The following KCNQ1 variants were observed in gnomAD, a reference collection of about 807,000 sequenced individuals.
KCNQ1 encodes the protein potassium voltage-gated channel subfamily KQT member 1.
Under a neutral mutation model 72.4 loss-of-function variants are expected in KCNQ1, and 49 were observed. The ratio of observed to expected loss-of-function variants is 0.68; its 90% CI spans 0.54 to 0.86. The LOEUF is 0.86. Ranked by LOEUF, KCNQ1 falls within the 40% of genes least tolerant of loss-of-function variation. The pLI is 0.00. For missense variants in KCNQ1, 790 were observed against 945.1 expected, an observed-to-expected ratio of 0.84 and a Z score of 2.15; for synonymous variants, 450 against 412.6, an observed-to-expected ratio of 1.09 and a Z score of -1.10.
chr11:2,679,551 T>C lies in KCNQ1; in HGVS notation c.1514+17470T>C, dbSNP rs183959634. 5.3e-4 allele frequency: 213 copies of C among 398,680 alleles called. 1 individual carries two copies. The highest frequency in any genetic ancestry group is 3.9e-3 in the African/African-American group (190 of 48,764). The allele number at this position is 398,680 out of a possible 1,614,324, so 24.7% of individuals were successfully genotyped here. On this transcript the variant is annotated intron_variant, in intron 11 of 15. Coordinates refer to ENST00000155840, the MANE Select transcript of KCNQ1 (RefSeq NM_000218.3). This position sits in a 1 kb window ranked among gnomAD's most constrained non-coding sequence, Gnocchi z 4.8. ...CTCATGATGGCCATTCCATCCATTGTAATCATGTGTACCATGCAATTCACA... is the reference window on the plus strand; with the variant it reads ...CTCATGATGGCCATTCCATCCATTGCAATCATGTGTACCATGCAATTCACA...
chr11:2,820,520 T>A (rs1434353038), intron 15 of KCNQ1, among the ~76,000 whole-genome samples: 1 of 152,208 alleles, frequency 6.6e-6, no homozygotes, highest in Non-Finnish European at 1.5e-5. Flanking sequence ...GTGTTAAACT[T>A]GTTAGTGGAG....
chr11:2,535,226 G>T (rs1847710205), intron 2 of KCNQ1, among the ~76,000 whole-genome samples: 2 of 152,224 alleles, frequency 1.3e-5, no homozygotes, highest in Non-Finnish European at 1.5e-5. Flanking sequence ...CTTTGGGCGG[G>T]TAAGGGTAGC....
rs1325905868 is a variant in KCNQ1, at chr11:2,715,155, C to A, written c.1514+53074C>A. Among the ~76,000 whole-genome samples, 1 of 152,118 alleles carries A rather than the reference C, an allele frequency of 6.6e-6. No homozygotes were observed. The highest frequency in any genetic ancestry group is 2.4e-5 in the African/African-American group (1 of 41,402). Reference sequence around the variant, plus strand: ...ATGAGATGCCCCTCACCCATCCTCCCATGAACCTCAGCATGGGCACCCCAT... The same window carrying A: ...ATGAGATGCCCCTCACCCATCCTCCAATGAACCTCAGCATGGGCACCCCAT... On this transcript the variant is annotated intron_variant, in intron 11 of 15. Transcript: ENST00000155840. The surrounding 1 kb of genome is among the most constrained non-coding windows in gnomAD (Gnocchi z 4.9).
At chr11:2,527,905 A>G in intron 1 of KCNQ1, 23 bp from the exon 2 acceptor site, 1 of 1,607,770 alleles carries the variant, frequency 6.2e-7, no homozygotes, top group Non-Finnish European at 8.5e-7. Flanking sequence ...CGTGATGCTG[A>G]CTGCCGTGTC....
At chr11:2,523,526 G>A (rs115613195) in intron 1 of KCNQ1, among the ~76,000 whole-genome samples, 3 of 152,164 alleles carry the variant, frequency 2.0e-5, no homozygotes, top group Admixed American at 6.5e-5. Flanking sequence ...TGCTGTGGCC[G>A]AGGTCACCAA....
chr11:2,684,454 C>T (rs900744170), intron 11 of KCNQ1: 4 of 398,624 alleles, frequency 1.0e-5, no homozygotes, highest in Non-Finnish European at 1.8e-5. Context: ...GTTCTTTTGG[C>T]AAAAAGACTA....
At chr11:2,730,365 C>T (rs745314175) in intron 11 of KCNQ1, among the ~76,000 whole-genome samples, 3 of 152,192 alleles carry the variant, frequency 2.0e-5, no homozygotes, top group South Asian at 2.1e-4. Context: ...GTCAGATGTC[C>T]GACATGGGCT....
chr11:2,842,857 C>T lies in KCNQ1; in HGVS notation c.1795-4910C>T, dbSNP rs183928719. On this transcript the variant is annotated intron_variant, in intron 15 of 15. Transcript: ENST00000155840. ...TCTTCATGCCTCAGTCCACTTGATCCCCTCAGCATCCTCCTGGGGAAGGTG... is the reference window on the plus strand; with the variant it reads ...TCTTCATGCCTCAGTCCACTTGATCTCCTCAGCATCCTCCTGGGGAAGGTG... 2.3e-4 allele frequency among the ~76,000 whole-genome samples: 35 copies of T among 152,346 alleles called. No homozygotes were observed. In the East Asian group the frequency reaches 6.8e-3, roughly 29 times the overall value.
intron 10 of KCNQ1, chr11:2,644,940 G>A (rs1310315569): frequency 2.5e-6 from 1 of 398,612 alleles, no homozygotes; most frequent in African/African-American, 2.1e-5. Flanking sequence ...AGTGGCAGCA[G>A]TGGCTGGCCC....
In KCNQ1 at chr11:2,642,711, G is replaced by C. The variant is rs1020023655; in HGVS notation, c.1394-19250G>C. ...TTTCCTTCTACTAATTTTATGTTTA[G>C]TATGGTTTGTTCTTGCTTTTCTGGT... On this transcript the variant is annotated intron_variant, in intron 10 of 15. Transcript: ENST00000155840. The surrounding 1 kb of genome is among the most constrained non-coding windows in gnomAD (Gnocchi z 4.3). 6 of 397,502 alleles carry C rather than the reference G, an allele frequency of 1.5e-5. No individual in the cohort carries two copies. The highest frequency in any genetic ancestry group is 1.3e-4 in the Admixed American group (3 of 22,646). The allele number at this position is 397,502 out of a possible 1,614,324, so 24.6% of individuals were successfully genotyped here.
intron 11 of KCNQ1, among the ~76,000 whole-genome samples, chr11:2,729,030 T>C (rs1390107209): frequency 6.6e-6 from 1 of 152,204 alleles, no homozygotes; most frequent in East Asian, 1.9e-4. Flanking sequence ...CTGGCAACTG[T>C]AGTCACAGAA....
chr11:2,651,096 C>G lies in KCNQ1; in HGVS notation c.1394-10865C>G, dbSNP rs1303591687. The G allele has an allele frequency of 2.5e-6, 1 of 398,634 alleles. No homozygotes were observed. The highest frequency in any genetic ancestry group is 4.4e-6 in the Non-Finnish European group (1 of 226,130). The allele number at this position is 398,634 out of a possible 1,614,324, so 24.7% of individuals were successfully genotyped here. A position where few individuals can be genotyped will look rare whatever the true frequency, so the allele number is the denominator to read the frequency against. On this transcript the variant is annotated intron_variant, in intron 10 of 15. Transcript: ENST00000155840. This position sits in a 1 kb window ranked among gnomAD's most constrained non-coding sequence, Gnocchi z 6.1. ...CTCATTACTGGTCTCTTGATTTCCA[C>G]TCTTGCTTCCTGTACTCCATTCTTC...
At chr11:2,453,920 A>G (rs1811815) in intron 1 of KCNQ1, among the ~76,000 whole-genome samples, 96,331 of 152,058 alleles carry the variant, frequency 0.63, 32,660 homozygotes, top group Non-Finnish European at 0.76. Context: ...TCTTATTATG[A>G]AGTGATTATC....
chr11:2,777,134 C>T (rs1846723029), intron 14 of KCNQ1, 102 bp downstream of exon 14: 3 of 1,157,894 alleles, frequency 2.6e-6, no homozygotes, highest in South Asian at 1.3e-5. Context: ...TGGGCCATTG[C>T]ACCTCCAAAG....
At chr11:2,470,250 A>T (rs1325811261) in intron 1 of KCNQ1, among the ~76,000 whole-genome samples, 1 of 151,822 alleles carries the variant, frequency 6.6e-6, no homozygotes, top group Admixed American at 6.6e-5. Context: ...CCCAGGAAAA[A>T]CTCCAGTCAC....
In KCNQ1 at chr11:2,492,178, GTAT is replaced by G. The variant is rs1846846365; in HGVS notation, c.387-35746_387-35744del. Among the ~76,000 whole-genome samples, 1 of 152,084 alleles carries G rather than the reference GTAT, an allele frequency of 6.6e-6. No homozygotes were observed. Among genetic ancestry groups the G allele is most frequent in the South Asian group, 2.1e-4 (1 of 4,830 alleles). On this transcript the variant is annotated intron_variant, in intron 1 of 15. Transcript: ENST00000155840. This position sits in a 1 kb window ranked among gnomAD's most constrained non-coding sequence, Gnocchi z 4.1. ...TAATACATACACAGAAATACAAATAGTATTATAACACTGTAATTATGGTGTGTA... is the reference window on the plus strand; with the variant it reads ...TAATACATACACAGAAATACAAATAGTATAACACTGTAATTATGGTGTGTA...
rs1336592296 is a variant in KCNQ1, at chr11:2,588,703, T to G, written c.1252-10T>G. On this transcript the variant is annotated splice_polypyrimidine_tract_variant and intron_variant, in intron 9 of 15. Coordinates refer to ENST00000155840, the MANE Select transcript of KCNQ1 (RefSeq NM_000218.3). This position sits in a 1 kb window ranked among gnomAD's most constrained non-coding sequence, Gnocchi z 5.6. ...CAGGAACCGCTAATCTGTTGTCTTG[T>G]TTTTTTTAGGTAAAGAAAAAAAAGT... 6.2e-7 allele frequency: 1 copy of G among 1,610,894 alleles called. No individual in the cohort carries two copies.
At chr11:2,841,389 G>A (rs142798898) in intron 15 of KCNQ1, among the ~76,000 whole-genome samples, 178 of 152,288 alleles carry the variant, frequency 1.2e-3, no homozygotes, top group African/African-American at 3.8e-3. Context: ...TGGAACAAGC[G>A]GGGAACAGGT....
intron 11 of KCNQ1, among the ~76,000 whole-genome samples, chr11:2,702,371 TGTG>T (rs1451686608): frequency 6.6e-6 from 1 of 152,212 alleles, no homozygotes; most frequent in African/African-American, 2.4e-5. Flanking sequence ...CCTTTGTTGT[TGTG>T]TTCTCCAAGG....
Sources: gnomAD v4.1 joint callset for allele counts (sites outside exome capture counted in the v4.1 genomes callset) on GRCh38, gnomAD v4.1.1 for gene constraint, Gnocchi (gnomAD v3.1) non-coding constraint, MANE v1.5 for transcripts, NCBI Gene and HGNC (gene_info 2026-07-23, HGNC 2026-07-21) for gene names.